DENND4C: variants seen among roughly 807,000 people sequenced by gnomAD.
The protein encoded by DENND4C is DENN domain-containing protein 4C.
DENND4C carries 108 observed loss-of-function variants against 203.0 expected under a neutral mutation model. The observed-to-expected ratio is 0.53, with a 90% CI of 0.46 to 0.62. The LOEUF is 0.62. DENND4C is among the 20% of genes least tolerant of loss of function. The pLI is 0.00. For missense variants in DENND4C, 2,481 were observed against 2,301.2 expected, an observed-to-expected ratio of 1.08 and a Z score of -1.60; for synonymous variants, 871 against 792.4, an observed-to-expected ratio of 1.10 and a Z score of -1.67.
At chr9:19,333,163 C>T (rs553749761) in intron 17 of DENND4C, among the ~76,000 whole-genome samples, 91 of 151,940 alleles carry the variant, frequency 6.0e-4, no homozygotes, top group South Asian at 1.2e-3. Context: ...TACAGGTGCA[C>T]ACCACCACGT....
intron 1 of DENND4C, among the ~76,000 whole-genome samples, chr9:19,234,367 A>G (rs746740287): frequency 1.5e-4 from 22 of 151,636 alleles, no homozygotes; most frequent in Non-Finnish European, 2.8e-4. Flanking sequence ...AGTAGCTGGG[A>G]CTACAGGTGC....
At chr9:19,242,125 T>C (rs1047103612) in intron 1 of DENND4C, among the ~76,000 whole-genome samples, 1 of 152,212 alleles carries the variant, frequency 6.6e-6, no homozygotes, top group Non-Finnish European at 1.5e-5. Flanking sequence ...TTTTGTACTA[T>C]TTCTATAGTT....
At chr9:19,269,168 C>G (rs546478016) in intron 1 of DENND4C, among the ~76,000 whole-genome samples, 1 of 151,628 alleles carries the variant, frequency 6.6e-6, no homozygotes, top group Non-Finnish European at 1.5e-5. Flanking sequence ...TTCTTTCTTT[C>G]TTTTTTGTTT....
chr9:19,272,960 T>TTTTTTTTTTTTTTG, intron 1 of DENND4C, among the ~76,000 whole-genome samples: 1 of 137,880 alleles, frequency 7.3e-6, no homozygotes, highest in Non-Finnish European at 1.6e-5. Context: ...TTTTTTTTTT[T>TTTTTTTTTTTTTTG]TTTTTTGAGA....
At chr9:19,288,157 G>A (rs1835587161) in intron 3 of DENND4C, among the ~76,000 whole-genome samples, 1 of 152,192 alleles carries the variant, frequency 6.6e-6, no homozygotes, top group African/African-American at 2.4e-5. Context: ...ATATCTTCAG[G>A]TCAAACTAAT....
rs751572307 is a variant in DENND4C, at chr9:19,342,705, C to G, written c.3077C>G (p.Pro1026Arg). 12 of 1,613,486 alleles carry G rather than the reference C, an allele frequency of 7.4e-6. No individual in the cohort carries two copies. The highest frequency in any genetic ancestry group is 8.5e-6 in the Non-Finnish European group (10 of 1,179,796). ...PSPEPHSPTE[P>R]PAWGSSIVKV... ...CCAGAGCCTCACAGTCCTACTGAACCTCCTGCATGGGGCAGCAGTATTGTG... is the reference window on the plus strand; with the variant it reads ...CCAGAGCCTCACAGTCCTACTGAACGTCCTGCATGGGGCAGCAGTATTGTG... Residue 1026 changes from proline (P) to arginine (R), a missense_variant, in exon 22 of 33, where the codon CCT (proline) becomes CGT (arginine). Coordinates refer to ENST00000434457, the MANE Select transcript of DENND4C (RefSeq NM_001330640.2).
At chr9:19,246,874 A>G (rs1316237969) in intron 1 of DENND4C, among the ~76,000 whole-genome samples, 2 of 152,190 alleles carry the variant, frequency 1.3e-5, no homozygotes, top group Non-Finnish European at 2.9e-5. Flanking sequence ...AAAAACAAAA[A>G]CAGCTCATTT....
At chr9:19,276,733 C>T (rs967340336) in intron 2 of DENND4C, 1 of 272,786 alleles carries the variant, frequency 3.7e-6, no homozygotes, top group Non-Finnish European at 6.7e-6. Flanking sequence ...GACATTTGAC[C>T]CTAAAGTGTC....
intron 29 of DENND4C, among the ~76,000 whole-genome samples, chr9:19,361,296 T>C (rs1826444045): frequency 6.6e-6 from 1 of 152,194 alleles, no homozygotes; most frequent in East Asian, 1.9e-4. Context: ...TTCTGTAAGG[T>C]GACATACCTA....
In DENND4C at chr9:19,289,712, C is replaced by T. The variant is rs963307943; in HGVS notation, c.629-992C>T. Among the ~76,000 whole-genome samples, 8 of 151,618 alleles carry T rather than the reference C, an allele frequency of 5.3e-5. No homozygotes were observed. The Middle Eastern group carries it at 0.014, about 258-fold the overall frequency. On this transcript the variant is annotated intron_variant, in intron 4 of 32. Transcript: ENST00000434457. ...GGCGTGGTGGCACGCATCTGTAGTC[C>T]CAGCTACTTGGGAGGCTGAGGCACG...
rs1334331637 is a variant in DENND4C at position 19,360,262 on chromosome 9, C to G, written c.5179C>G (p.Pro1727Ala). 1 of 1,612,594 alleles carries G rather than the reference C, an allele frequency of 6.2e-7. No homozygotes were observed. The highest frequency in any genetic ancestry group is 8.5e-7 in the Non-Finnish European group (1 of 1,179,530). Reference sequence around the variant, plus strand: ...TTTTAAGGATCCTTTAGGAAAAAGACCCAATCCTCCCCCTGTTTCTGTGCC... The same window carrying G: ...TTTTAAGGATCCTTTAGGAAAAAGAGCCAATCCTCCCCCTGTTTCTGTGCC... Reference protein sequence around the residue: ...QEVVDPLGKRPNPPPVSVPYL... With the variant: ...QEVVDPLGKRANPPPVSVPYL... The change falls in exon 29 of 33, where the codon CCC becomes GCC. Residue 1727 changes from proline to alanine, a missense_variant. Pro to Ala is a conservative substitution (Grantham distance 27, BLOSUM62 -1). This residue lies in a region of DENND4C where 2,289 missense variants were observed against 2,113.3 expected (regional missense o/e 1.08). Coordinates refer to ENST00000434457, the MANE Select transcript of DENND4C (RefSeq NM_001330640.2).
At chr9:19,312,367 T>C (rs866879732) in intron 10 of DENND4C, among the ~76,000 whole-genome samples, 2 of 152,168 alleles carry the variant, frequency 1.3e-5, no homozygotes, top group African/African-American at 4.8e-5. Context: ...CCTCCCAAAG[T>C]GCTGGGATTA....
At chr9:19,342,102 C>A (rs571734622) in intron 21 of DENND4C, among the ~76,000 whole-genome samples, 71 of 126,614 alleles carry the variant, frequency 5.6e-4, no homozygotes, top group African/African-American at 2.1e-3. Flanking sequence ...CTAGCCTGGG[C>A]GACAAGAGCA....
chr9:19,244,242 G>T (rs1824541308), intron 1 of DENND4C, among the ~76,000 whole-genome samples: 2 of 152,144 alleles, frequency 1.3e-5, no homozygotes, highest in South Asian at 4.1e-4. Context: ...TGTTAGCCAG[G>T]CTGGTCTTGA....
intron 1 of DENND4C, among the ~76,000 whole-genome samples, chr9:19,243,683 T>G (rs778743883): frequency 6.6e-6 from 1 of 152,218 alleles, no homozygotes; most frequent in African/African-American, 2.4e-5. Flanking sequence ...ACTTCATTCC[T>G]TTTTATGGCT....
intron 17 of DENND4C, among the ~76,000 whole-genome samples, chr9:19,334,138 G>C (rs545460447): frequency 2.0e-5 from 3 of 152,198 alleles, no homozygotes; most frequent in African/African-American, 7.2e-5. Context: ...TCCGACTCCC[G>C]GGTTCCAGCA....
intron 10 of DENND4C, among the ~76,000 whole-genome samples, chr9:19,306,706 CATT>C (rs1028074734): frequency 1.3e-4 from 19 of 151,458 alleles, no homozygotes; most frequent in Admixed American, 2.6e-4. Context: ...GTAATCAAAA[CATT>C]ATTTTCTAAA....
rs1263684924 is a variant in DENND4C, at chr9:19,372,246, T to C, written c.*73T>C. ...TCATCTGGAAACATTCAAGTTTTTT[T>C]TTCCAAATCGTAAGAACTGGTGAAT... On this transcript the variant is annotated 3_prime_UTR_variant, in exon 33 of 33. Transcript: ENST00000434457. 45 of 1,544,400 alleles carry C rather than the reference T, an allele frequency of 2.9e-5. No individual in the cohort carries two copies. The East Asian group carries it at 1.0e-3, about 34-fold the overall frequency.
intron 1 of DENND4C, among the ~76,000 whole-genome samples, chr9:19,235,150 A>G (rs976698983): frequency 4.6e-5 from 7 of 151,850 alleles, no homozygotes; most frequent in Middle Eastern, 3.2e-3. Context: ...TTTTTAGTAG[A>G]GACGGGGTTT....
Sources: gnomAD v4.1 joint callset for allele counts (sites outside exome capture counted in the v4.1 genomes callset) on GRCh38, gnomAD v4.1.1 for gene constraint, gnomAD v4.1.1 regional missense constraint, MANE v1.5 for transcripts, NCBI Gene and HGNC (gene_info 2026-07-23, HGNC 2026-07-21) for gene names.